PSME3IP1: variants seen among roughly 807,000 people sequenced by gnomAD.
PSME3IP1 encodes the protein PSME3-interacting protein.
PSME3IP1 carries 13 observed loss-of-function variants against 34.1 expected under a neutral mutation model. That is an observed-to-expected ratio of 0.38 (90% CI 0.25 to 0.61). The LOEUF (loss-of-function observed/expected upper bound fraction) is 0.61, where lower values mean the gene tolerates loss of function less well. Among genes scored for constraint, PSME3IP1 ranks in the 20% least tolerant of loss-of-function variants. The probability of loss-of-function intolerance (pLI) is 0.60; values close to 1 mark genes in which losing one functional copy is unlikely to be tolerated. For synonymous variants in PSME3IP1, 93 were observed against 114.3 expected (o/e 0.81, Z 1.19); for missense variants, 237 against 301.4 (o/e 0.79, Z 1.58).
intron 4 of PSME3IP1, among the ~76,000 whole-genome samples, chr16:57,170,597 T>C (rs1362076038): frequency 6.6e-6 from 1 of 152,248 alleles, no homozygotes; most frequent in Non-Finnish European, 1.5e-5. Context: ...CATTTATTAA[T>C]TTATTCACAT....
intron 6 of PSME3IP1, among the ~76,000 whole-genome samples, chr16:57,157,174 T>C (rs2145419460): frequency 6.6e-6 from 1 of 151,876 alleles, no homozygotes; most frequent in Middle Eastern, 3.4e-3. Flanking sequence ...CCGGGTGTGG[T>C]GGTGCACACT....
Position 57,154,127 on chromosome 16 carries a change from C to T in PSME3IP1, c.*163G>A. On this transcript the variant is annotated 3_prime_UTR_variant, in exon 7 of 7. Coordinates refer to ENST00000309137, the MANE Select transcript of PSME3IP1 (RefSeq NM_024946.4). This position sits in a 1 kb window ranked among gnomAD's most constrained non-coding sequence, Gnocchi z 4.0. ...GAGGAACCAAACACGATTCGGGCCA[C>T]AGGTGGATTCTGGCACATTTTTAGA... The T allele has an allele frequency of 1.6e-6, 1 of 631,862 alleles. No individual in the cohort carries two copies. The highest frequency in any genetic ancestry group is 2.8e-5 in the East Asian group (1 of 35,650). The allele number at this position is 631,862 out of a possible 1,614,324, so 39.1% of individuals were successfully genotyped here. A position where few individuals can be genotyped will look rare whatever the true frequency, so the allele number is the denominator to read the frequency against.
At chr16:57,184,360 A>C (rs1364196143) in intron 1 of PSME3IP1, among the ~76,000 whole-genome samples, 2 of 152,250 alleles carry the variant, frequency 1.3e-5, no homozygotes, top group African/African-American at 4.8e-5. Flanking sequence ...ATAAATACCA[A>C]ACAAATTGAA....
Position 57,154,202 on chromosome 16 carries a change from T to G in PSME3IP1, c.*88A>C, listed in dbSNP as rs1470466139. On this transcript the variant is annotated 3_prime_UTR_variant, in exon 7 of 7. Coordinates refer to ENST00000309137, the MANE Select transcript of PSME3IP1 (RefSeq NM_024946.4). The surrounding 1 kb of genome is among the most constrained non-coding windows in gnomAD (Gnocchi z 4.0). ...TGTACACAGGATGCAGGCAAAGGAGTTTTTTTTTGAGGGACATAATGCCTA... is the reference window on the plus strand; with the variant it reads ...TGTACACAGGATGCAGGCAAAGGAGGTTTTTTTTGAGGGACATAATGCCTA... The G allele has an allele frequency of 2.0e-5, 22 of 1,085,226 alleles. No individual in the cohort carries two copies. The highest frequency in any genetic ancestry group is 2.9e-5 in the Non-Finnish European group (22 of 746,896). 67.2% of individuals were successfully genotyped at this position (1,085,226 alleles called of 1,614,324 possible). A position where few individuals can be genotyped will look rare whatever the true frequency, so the allele number is the denominator to read the frequency against.
chr16:57,178,841 T>A (rs2073433289), intron 1 of PSME3IP1: 3 of 984,166 alleles, frequency 3.0e-6, no homozygotes, highest in Non-Finnish European at 3.6e-6. Flanking sequence ...AAGAGTCCAA[T>A]GGCTGTTTAT....
At position 57,185,725 on chromosome 16, in the gene PSME3IP1, C is replaced by A. The variant is rs1262361917; in HGVS notation, c.-16+96G>T. On this transcript the variant is annotated intron_variant, in intron 1 of 6. Transcript: ENST00000309137. ...GCGGGTGCGCGGACTGAGAACAGGCCTGGCCCTAACCCTAACAGCAGCCGC... is the reference window on the plus strand; with the variant it reads ...GCGGGTGCGCGGACTGAGAACAGGCATGGCCCTAACCCTAACAGCAGCCGC... The A allele has an allele frequency of 4.1e-6, 4 of 985,550 alleles. No homozygotes were observed. In the East Asian group the frequency reaches 4.5e-4, roughly 112 times the overall value. 61.1% of individuals were successfully genotyped at this position (985,550 alleles called of 1,614,324 possible). A position where few individuals can be genotyped will look rare whatever the true frequency, so the allele number is the denominator to read the frequency against.
At chr16:57,172,540 A>AT (rs1464551840) in intron 3 of PSME3IP1, among the ~76,000 whole-genome samples, 168 bp from the exon 4 acceptor site, 3 of 152,234 alleles carry the variant, frequency 2.0e-5, no homozygotes, top group African/African-American at 4.8e-5. Context: ...AAAACAAGGC[A>AT]TTTTTTCCCA....
At chr16:57,160,754 C>G (rs1318383816) in intron 6 of PSME3IP1, among the ~76,000 whole-genome samples, 1 of 152,224 alleles carries the variant, frequency 6.6e-6, no homozygotes, top group Non-Finnish European at 1.5e-5. Context: ...GGTACAATAA[C>G]TGCTGAATTA....
At chr16:57,168,296 AAAATCCTAAGATTTTCCAG>A (rs1381411666) in intron 4 of PSME3IP1, among the ~76,000 whole-genome samples, 8 of 152,182 alleles carry the variant, frequency 5.3e-5, no homozygotes, top group South Asian at 4.1e-4. Flanking sequence ...AACAATGGAG[AAAATCCTAAGATTTTCCAG>A]AAATCCTAAG....
Position 57,153,408 on chromosome 16 carries a change from G to A in PSME3IP1, c.*882C>T, listed in dbSNP as rs1453395571. The stretch of plus-strand genomic sequence containing the variant: ...TAGAATGGTCACAATATGCAAGTGT[G>A]TCCCACTCATTTACAATATTAGGAT... On this transcript the variant is annotated 3_prime_UTR_variant, in exon 7 of 7. Coordinates refer to ENST00000309137, the MANE Select transcript of PSME3IP1 (RefSeq NM_024946.4). 6.6e-6 allele frequency: 1 copy of A among 152,208 alleles called. No homozygotes were observed. The highest frequency in any genetic ancestry group is 1.5e-5 in the Non-Finnish European group (1 of 68,056). The allele number at this position is 152,208 out of a possible 1,614,324, so 9.4% of individuals were successfully genotyped here.
intron 6 of PSME3IP1, among the ~76,000 whole-genome samples, chr16:57,158,433 C>CA (rs1238742642): frequency 6.6e-6 from 1 of 150,550 alleles, no homozygotes; most frequent in African/African-American, 2.4e-5. Context: ...ACTAAAAATA[C>CA]AAAAATTAGC....
At chr16:57,186,084 T>C, upstream of PSME3IP1, 1 of 985,118 alleles carries the variant, frequency 1.0e-6, no homozygotes, top group South Asian at 4.7e-5. Flanking sequence ...TCCGCGGAGC[T>C]CTTCCTCCCC....
chr16:57,171,964 T>G (rs1170338048), intron 4 of PSME3IP1, among the ~76,000 whole-genome samples: 2 of 152,234 alleles, frequency 1.3e-5, no homozygotes, highest in African/African-American at 2.4e-5. Flanking sequence ...TGGATGAAGC[T>G]GACTGCACTG....
intron 5 of PSME3IP1, among the ~76,000 whole-genome samples, chr16:57,165,316 T>C (rs1282536409): frequency 6.6e-6 from 1 of 152,052 alleles, no homozygotes; most frequent in Non-Finnish European, 1.5e-5. Context: ...TAATGGATAT[T>C]TTAAAATACT....
At chr16:57,186,066 TA>T, upstream of PSME3IP1, 1 of 985,434 alleles carries the variant, frequency 1.0e-6, no homozygotes, top group Non-Finnish European at 1.2e-6. Flanking sequence ...TCCGGCGACG[TA>T]ACCCAATCCG....
chr16:57,184,615 G>T (rs1337197788), intron 1 of PSME3IP1, among the ~76,000 whole-genome samples: 2 of 152,226 alleles, frequency 1.3e-5, no homozygotes, highest in Non-Finnish European at 2.9e-5. Context: ...CACTATGACT[G>T]ACCCTGTACG....
intron 1 of PSME3IP1, chr16:57,185,485 A>C (rs1289401006): frequency 1.0e-6 from 1 of 981,262 alleles, no homozygotes; most frequent in Non-Finnish European, 1.2e-6. Flanking sequence ...AGTAACCTGG[A>C]CCTGTTCCAA....
At chr16:57,176,912 T>C (rs1226663883) in intron 1 of PSME3IP1, among the ~76,000 whole-genome samples, 1 of 152,126 alleles carries the variant, frequency 6.6e-6, no homozygotes, top group Non-Finnish European at 1.5e-5. Flanking sequence ...CGGAGTGCAG[T>C]GGCACGATCT....
At chr16:57,168,035 T>G (rs896067103) in intron 4 of PSME3IP1, among the ~76,000 whole-genome samples, 1 of 152,198 alleles carries the variant, frequency 6.6e-6, no homozygotes, top group Non-Finnish European at 1.5e-5. Context: ...GAGGTCACTT[T>G]CACTTGTTCC....
Sources: gnomAD v4.1 joint callset for allele counts (sites outside exome capture counted in the v4.1 genomes callset) on GRCh38, gnomAD v4.1.1 for gene constraint, Gnocchi (gnomAD v3.1) non-coding constraint, MANE v1.5 for transcripts, NCBI Gene and HGNC (gene_info 2026-07-23, HGNC 2026-07-21) for gene names.